CDKAL1: variants seen among roughly 807,000 people sequenced by gnomAD.
CDKAL1 encodes the protein threonylcarbamoyladenosine tRNA methylthiotransferase.
Under a neutral mutation model 68.2 loss-of-function variants are expected in CDKAL1, and 32 were observed. The observed-to-expected ratio is 0.47, with a 90% CI of 0.35 to 0.63. The LOEUF (loss-of-function observed/expected upper bound fraction) is 0.63. Among genes scored for constraint, CDKAL1 ranks in the 30% least tolerant of loss-of-function variants. CDKAL1 has a pLI of 0.00. For missense variants in CDKAL1, 606 were observed against 696.7 expected (o/e 0.87, Z 1.47); for synonymous variants, 234 against 244.3 (o/e 0.96, Z 0.39).
In CDKAL1 at chr6:21,232,003, G is replaced by GTTTTTTTTTTTTTTTTTTT. The variant is rs71530402; in HGVS notation, c.*969_*970insTTTTTTTTTTTTTTTTTTT. The GTTTTTTTTTTTTTTTTTTT allele has an allele frequency of 5.3e-5, 4 of 76,086 alleles. No individual in the cohort carries two copies. The highest frequency in any genetic ancestry group is 9.4e-5 in the Non-Finnish European group (3 of 31,904). 4.7% of individuals were successfully genotyped at this position (76,086 alleles called of 1,614,324 possible). A position where few individuals can be genotyped will look rare whatever the true frequency, so the allele number is the denominator to read the frequency against. ...TTTGATCCATTGGGGTTTTTTTTTT[G>GTTTTTTTTTTTTTTTTTTT]TTTTTGTTTTTTTTTTTTTTTGAGT... On this transcript the variant is annotated 3_prime_UTR_variant, in exon 16 of 16. Coordinates refer to ENST00000274695, the MANE Select transcript of CDKAL1 (RefSeq NM_017774.3).
chr6:21,080,166 C>T (rs1189721142), intron 12 of CDKAL1, among the ~76,000 whole-genome samples: 1 of 151,300 alleles, frequency 6.6e-6, no homozygotes, highest in African/African-American at 2.4e-5. Flanking sequence ...AAAGGGGGTG[C>T]TAACATTTGG....
chr6:20,751,990 T>C (rs1377951158), intron 6 of CDKAL1, among the ~76,000 whole-genome samples: 1 of 152,104 alleles, frequency 6.6e-6, no homozygotes, highest in East Asian at 1.9e-4. Flanking sequence ...GAGTTTGTTT[T>C]CTTGCTCTCG....
chr6:20,948,982 A>G (rs1243098676), intron 9 of CDKAL1, among the ~76,000 whole-genome samples: 1 of 152,230 alleles, frequency 6.6e-6, no homozygotes, highest in East Asian at 1.9e-4. Flanking sequence ...TTTTGAAAGA[A>G]ATAAGTTGTT....
At chr6:20,856,398 G>C (rs113462159) in intron 9 of CDKAL1, among the ~76,000 whole-genome samples, 9 of 152,298 alleles carry the variant, frequency 5.9e-5, no homozygotes, top group African/African-American at 2.2e-4. Flanking sequence ...AAGAGATATT[G>C]CTTAGTTTCA....
At chr6:20,570,483 C>T (rs920826192) in intron 4 of CDKAL1, among the ~76,000 whole-genome samples, 1 of 151,964 alleles carries the variant, frequency 6.6e-6, no homozygotes, top group African/African-American at 2.4e-5. Context: ...TCACTGCAAC[C>T]CCCGCCTCCT....
chr6:21,051,670 G>A (rs1770547292), intron 11 of CDKAL1, among the ~76,000 whole-genome samples: 1 of 152,042 alleles, frequency 6.6e-6, no homozygotes, highest in South Asian at 2.1e-4. Context: ...CATATTGCCT[G>A]GCACTTTTAT....
At chr6:20,700,887 G>A (rs1771320219) in intron 5 of CDKAL1, among the ~76,000 whole-genome samples, 2 of 135,114 alleles carry the variant, frequency 1.5e-5, no homozygotes, top group Admixed American at 1.5e-4. Context: ...GTGGTCTGGA[G>A]GTTTTTGGGT....
intron 4 of CDKAL1, among the ~76,000 whole-genome samples, chr6:20,644,385 A>G (rs1219413594): frequency 1.3e-5 from 2 of 152,284 alleles, no homozygotes; most frequent in East Asian, 1.9e-4. Context: ...AGAAATAATT[A>G]AGAATCTCCT....
chr6:20,889,082 A>T (rs1188667203), intron 9 of CDKAL1, among the ~76,000 whole-genome samples: 1 of 152,118 alleles, frequency 6.6e-6, no homozygotes, highest in Non-Finnish European at 1.5e-5. Context: ...GTGAGATGGT[A>T]TCTCATTGTG....
intron 9 of CDKAL1, among the ~76,000 whole-genome samples, chr6:20,881,642 T>G (rs1450803426): frequency 6.6e-6 from 1 of 152,188 alleles, no homozygotes; most frequent in Non-Finnish European, 1.5e-5. Flanking sequence ...ATTATTTCTA[T>G]TTTTCCTCTT....
At chr6:21,047,456 ACAG>A (rs1770305352) in intron 11 of CDKAL1, among the ~76,000 whole-genome samples, 1 of 152,198 alleles carries the variant, frequency 6.6e-6, no homozygotes, top group Non-Finnish European at 1.5e-5. Flanking sequence ...ATTAGTCAAA[ACAG>A]GGATTAATCA....
At chr6:21,214,810 C>T (rs764338072) in intron 15 of CDKAL1, among the ~76,000 whole-genome samples, 1 of 151,988 alleles carries the variant, frequency 6.6e-6, no homozygotes, top group Non-Finnish European at 1.5e-5. Context: ...CTTCATTCAC[C>T]TTTGTGTCCT....
At position 21,020,409 on chromosome 6, in the gene CDKAL1, T is replaced by TAAC. The variant is rs1340742768; in HGVS notation, c.1055+20037_1055+20038insAAC. On this transcript the variant is annotated intron_variant, in intron 11 of 15. Coordinates refer to ENST00000274695, the MANE Select transcript of CDKAL1 (RefSeq NM_017774.3). The stretch of plus-strand genomic sequence containing the variant: ...AGCTGTTTTTGACAGAAAGGAACTC[T>TAAC]GTTAGAGTTCACAGGTTCACAGGTA... 2.3e-4 allele frequency among the ~76,000 whole-genome samples: 35 copies of TAAC among 152,210 alleles called. 1 individual carries two copies. Among genetic ancestry groups the TAAC allele is most frequent in the Non-Finnish European group, 1.2e-4 (8 of 68,036 alleles).
At chr6:21,218,826 A>G (rs1779431498) in intron 15 of CDKAL1, among the ~76,000 whole-genome samples, 1 of 152,208 alleles carries the variant, frequency 6.6e-6, no homozygotes, top group African/African-American at 2.4e-5. Context: ...GAGTACATTC[A>G]GACCATAGCC....
intron 12 of CDKAL1, among the ~76,000 whole-genome samples, chr6:21,099,694 G>T (rs1424889552): frequency 6.6e-6 from 1 of 152,226 alleles, no homozygotes; most frequent in Non-Finnish European, 1.5e-5. Context: ...GGCTACTTTT[G>T]AGCACCCAGA....
chr6:20,803,417 G>A (rs936216784), intron 8 of CDKAL1, among the ~76,000 whole-genome samples: 4 of 152,172 alleles, frequency 2.6e-5, no homozygotes, highest in African/African-American at 7.2e-5. Flanking sequence ...GTCAAATATC[G>A]CCTTTTCCAT....
At chr6:20,799,272 G>A (rs560565103) in intron 8 of CDKAL1, among the ~76,000 whole-genome samples, 4 of 151,852 alleles carry the variant, frequency 2.6e-5, no homozygotes, top group South Asian at 2.1e-4. Context: ...GGTTGGTCTC[G>A]AACTCCCAAC....
chr6:20,906,380 T>G (rs1561874042), intron 9 of CDKAL1, among the ~76,000 whole-genome samples: 2 of 152,142 alleles, frequency 1.3e-5, no homozygotes, highest in East Asian at 3.8e-4. Context: ...AAATCCAAAT[T>G]AGAGTGCTAT....
chr6:20,900,145 TTAAA>T (rs1761892175), intron 9 of CDKAL1, among the ~76,000 whole-genome samples: 1 of 152,168 alleles, frequency 6.6e-6, no homozygotes, highest in African/African-American at 2.4e-5. Context: ...GAGTTTAAAA[TTAAA>T]TAGCCTGTCT....
Sources: allele counts gnomAD v4.1 joint callset (sites outside exome capture counted in the v4.1 genomes callset), GRCh38; gene constraint gnomAD v4.1.1; transcripts MANE v1.5; gene names NCBI Gene and HGNC (gene_info 2026-07-23, HGNC 2026-07-21).